Variants in TBC1D12 observed in about 807,000 individuals in gnomAD.
TBC1D12 encodes the protein TBC1 domain family member 12.
TBC1D12 carries 56 observed loss-of-function variants against 86.7 expected under a neutral mutation model. The observed-to-expected ratio is 0.65, with a 90% CI of 0.52 to 0.81. The LOEUF (loss-of-function observed/expected upper bound fraction) is 0.81. Among genes scored for constraint, TBC1D12 ranks in the 30% least tolerant of loss-of-function variants. The pLI, the probability that TBC1D12 is intolerant of heterozygous loss-of-function variation, is 0.00. For synonymous variants in TBC1D12, 421 were observed against 411.7 expected, an observed-to-expected ratio of 1.02 and a Z score of -0.27; for missense variants, 1,023 against 1,038.8, an observed-to-expected ratio of 0.98 and a Z score of 0.21.
chr10:94,478,585 G>A (rs181677577), intron 3 of TBC1D12, among the ~76,000 whole-genome samples: 1 of 152,294 alleles, frequency 6.6e-6, no homozygotes, highest in African/African-American at 2.4e-5. Context: ...GTGTGCACCT[G>A]TAGTCCCAGC....
chr10:94,491,068 C>T (rs2056239168), intron 3 of TBC1D12, among the ~76,000 whole-genome samples: 1 of 152,112 alleles, frequency 6.6e-6, no homozygotes, highest in Admixed American at 6.5e-5. Flanking sequence ...CTGGAAATGT[C>T]AGGTACTTGT....
intron 2 of TBC1D12, among the ~76,000 whole-genome samples, chr10:94,469,817 C>G (rs149132403): frequency 1.4e-3 from 216 of 152,252 alleles, no homozygotes; most frequent in Middle Eastern, 6.8e-3. Context: ...GCCCTTTGGC[C>G]TGTCCAAACT....
intron 1 of TBC1D12, among the ~76,000 whole-genome samples, chr10:94,428,352 A>G (rs1296828999): frequency 2.7e-5 from 4 of 150,516 alleles, no homozygotes; most frequent in Non-Finnish European, 5.9e-5. Flanking sequence ...CAGTGGCACA[A>G]TCACAGCTTG....
chr10:94,503,160 G>A (rs1317583602), intron 6 of TBC1D12, among the ~76,000 whole-genome samples: 1 of 152,006 alleles, frequency 6.6e-6, no homozygotes, highest in Non-Finnish European at 1.5e-5. Context: ...CCACAATTTG[G>A]CTGTACTATA....
Position 94,487,964 on chromosome 10 carries a change from G to A in TBC1D12, c.1212-5401G>A, listed in dbSNP as rs116250332. ...CAATTCTGCCATGGCCTCCCAAAGT[G>A]CTGGGATTATAGATGGGAGCCACCA... On this transcript the variant is annotated intron_variant, in intron 3 of 12. Transcript: ENST00000225235. Among the ~76,000 whole-genome samples, 447 of 152,060 alleles carry A rather than the reference G, an allele frequency of 2.9e-3. 3 individuals carry two copies. Among genetic ancestry groups the A allele is most frequent in the African/African-American group, 0.01 (421 of 41,490 alleles).
rs762403191 is a variant in TBC1D12 at position 94,500,228 on chromosome 10, A to G, written c.1420A>G (p.Thr474Ala). Residue 474 changes from threonine to alanine, a missense_variant, in exon 6 of 13, where the codon ACA becomes GCA. Physicochemically the swap from Thr to Ala is moderately conservative, Grantham distance 58 (BLOSUM62 0). Around this residue, in one of 2 missense-constraint regions of TBC1D12, gnomAD observed 395 missense variants for 507.7 expected, o/e 0.78. Coordinates refer to ENST00000225235, the MANE Select transcript of TBC1D12 (RefSeq NM_015188.2). ...CTCCTCCTTTAATTCTAGGCGTAGTACAAGAAGAGTTCGAGAATTGTGGTG... is the reference window on the plus strand; with the variant it reads ...CTCCTCCTTTAATTCTAGGCGTAGTGCAAGAAGAGTTCGAGAATTGTGGTG... ...ILPNWEVMRS[T>A]RRVRELWWQG... 10 of 1,613,696 alleles carry G rather than the reference A, an allele frequency of 6.2e-6. No homozygotes were observed. The highest frequency in any genetic ancestry group is 6.8e-6 in the Non-Finnish European group (8 of 1,179,878).
At chr10:94,411,238 T>G (rs141997415) in intron 1 of TBC1D12, among the ~76,000 whole-genome samples, 1 of 152,312 alleles carries the variant, frequency 6.6e-6, no homozygotes, top group Non-Finnish European at 1.5e-5. Flanking sequence ...ATTCTAGATC[T>G]ATTTTTTCTT....
intron 1 of TBC1D12, among the ~76,000 whole-genome samples, chr10:94,422,718 G>T (rs2055092357): frequency 6.6e-6 from 1 of 152,036 alleles, no homozygotes; most frequent in African/African-American, 2.4e-5. Flanking sequence ...GGGACTACAG[G>T]TACCGTGCTT....
rs1169157178 is a variant in TBC1D12, at chr10:94,531,274, T to C, written c.2073T>C (p.Asp691=). ...GAGTCTGGGATGTATTTTGCAGAGA[T>C]GGGGAAGAATTTTTATTTAGGACTG... ...ACRVWDVFCR[D]GEEFLFRTGL... is the part of the protein sequence containing the mutation. Residue 691 remains aspartate, a synonymous_variant, in exon 12 of 13, where the codon GAT becomes GAC. Transcript: ENST00000225235. The C allele has an allele frequency of 6.2e-7, 1 of 1,614,082 alleles. No homozygotes were observed. Among genetic ancestry groups the C allele is most frequent in the African/African-American group, 1.3e-5 (1 of 75,038 alleles).
Position 94,403,417 on chromosome 10 carries a change from C to A in TBC1D12, c.804C>A (p.Asp268Glu), listed in dbSNP as rs749291715. Residue 268 changes from aspartate (D) to glutamate (E), a missense_variant, in exon 1 of 13, where the codon GAC becomes GAA. By Grantham distance (45) the Asp-to-Glu change is conservative. Around this residue, in one of 2 missense-constraint regions of TBC1D12, gnomAD observed 628 missense variants for 531.1 expected, o/e 1.18. Coordinates refer to ENST00000225235, the MANE Select transcript of TBC1D12 (RefSeq NM_015188.2). The part of the protein sequence containing the change: ...GGAEPRLGFS[D>E]IHFNSRNTFQ... ...CGGAGCCGCGCCTGGGCTTTTCTGA[C>A]ATTCACTTCAACTCTCGCAACACGT... The A allele has an allele frequency of 2.5e-5, 39 of 1,549,944 alleles. No individual in the cohort carries two copies. Among genetic ancestry groups the A allele is most frequent in the Non-Finnish European group, 3.0e-5 (34 of 1,147,802 alleles).
chr10:94,510,117 A>G lies in TBC1D12; in HGVS notation c.1627A>G (p.Ser543Gly). The G allele has an allele frequency of 6.2e-7, 1 of 1,609,994 alleles. No homozygotes were observed. The stretch of plus-strand genomic sequence containing the variant: ...TGTATCTGTTGCTGATCGAGAGGCC[A>G]GTCTGGAATTAATTAAGTTGGACAT... ...EGVSVADREASLELIKLDISR... is the reference protein window; with the variant it reads ...EGVSVADREAGLELIKLDISR... Residue 543 changes from serine (S) to glycine (G), a missense_variant, in exon 8 of 13, where the codon AGT (serine) becomes GGT (glycine). By Grantham distance (56) the Ser-to-Gly change is moderately conservative (BLOSUM62 0). Transcript: ENST00000225235.
At chr10:94,432,886 G>A (rs535795109) in intron 1 of TBC1D12, among the ~76,000 whole-genome samples, 1 of 151,736 alleles carries the variant, frequency 6.6e-6, no homozygotes, top group South Asian at 2.1e-4. Flanking sequence ...AGTATTTCTT[G>A]GAGTTAATTT....
chr10:94,459,663 C>T (rs192925777), intron 2 of TBC1D12, among the ~76,000 whole-genome samples: 21 of 152,314 alleles, frequency 1.4e-4, no homozygotes, highest in Admixed American at 1.4e-3. Context: ...GGCTGAGGCC[C>T]AGCGAGAATT....
At chr10:94,449,770 C>T (rs2055522481) in intron 2 of TBC1D12, among the ~76,000 whole-genome samples, 1 of 152,206 alleles carries the variant, frequency 6.6e-6, no homozygotes, top group African/African-American at 2.4e-5. Context: ...AATTTTGGCT[C>T]TCTCCTTGTC....
chr10:94,482,789 T>C (rs752567316), intron 3 of TBC1D12, among the ~76,000 whole-genome samples: 1 of 152,082 alleles, frequency 6.6e-6, no homozygotes, highest in African/African-American at 2.4e-5. Context: ...CCATCCCCAC[T>C]TTCTCCCTGC....
intron 2 of TBC1D12, among the ~76,000 whole-genome samples, chr10:94,451,036 G>T (rs1054440488): frequency 6.6e-6 from 1 of 152,050 alleles, no homozygotes; most frequent in African/African-American, 2.4e-5. Context: ...GAAGGTGGTG[G>T]TGGGGAGTGC....
chr10:94,504,911 T>C (rs2056441855), intron 6 of TBC1D12, among the ~76,000 whole-genome samples: 1 of 152,152 alleles, frequency 6.6e-6, no homozygotes, highest in Admixed American at 6.6e-5. Flanking sequence ...TGCTTCAAAC[T>C]CTCCCTTTGC....
intron 2 of TBC1D12, among the ~76,000 whole-genome samples, chr10:94,461,389 G>A (rs2055727777): frequency 6.6e-6 from 1 of 152,134 alleles, no homozygotes; most frequent in Non-Finnish European, 1.5e-5. Flanking sequence ...TTAGGTTAGA[G>A]CAGGTTAGGC....
rs186259267 is a variant in TBC1D12 at position 94,484,797 on chromosome 10, T to C, written c.1212-8568T>C. Among the ~76,000 whole-genome samples, 3 of 152,322 alleles carry C rather than the reference T, an allele frequency of 2.0e-5. No homozygotes were observed. In the East Asian group the frequency reaches 5.8e-4, roughly 29 times the overall value. Reference sequence around the variant, plus strand: ...TTTATCAGTGTTTTTACAGTTGTTATTGTTTTAAGTAAAAGAAGACCTTTT... The same window carrying C: ...TTTATCAGTGTTTTTACAGTTGTTACTGTTTTAAGTAAAAGAAGACCTTTT... On this transcript the variant is annotated intron_variant, in intron 3 of 12. Transcript: ENST00000225235.
Sources: gnomAD v4.1 joint callset for allele counts (sites outside exome capture counted in the v4.1 genomes callset) on GRCh38, gnomAD v4.1.1 for gene constraint, gnomAD v4.1.1 regional missense constraint, MANE v1.5 for transcripts, NCBI Gene and HGNC (gene_info 2026-07-23, HGNC 2026-07-21) for gene names.